Variants in BCAR3 observed in about 807,000 individuals in gnomAD.
The protein encoded by BCAR3 is BCAR3 adaptor protein, NSP family member, also known as breast cancer anti-estrogen resistance protein 3.
Under a neutral mutation model 80.1 loss-of-function variants are expected in BCAR3, and 37 were observed. The observed-to-expected ratio is 0.46, with a 90% confidence interval of 0.36 to 0.61. BCAR3 has a LOEUF of 0.61. BCAR3 is among the 20% of genes least tolerant of loss of function. The pLI is 0.00. For synonymous variants in BCAR3, 389 were observed against 418.9 expected (o/e 0.93, Z 0.87); for missense variants, 978 against 1,068.2 (o/e 0.92, Z 1.18).
At chr1:93,838,363 A>G (rs903425825) in intron 2 of BCAR3, among the ~76,000 whole-genome samples, 3 of 152,198 alleles carry the variant, frequency 2.0e-5, no homozygotes, top group Non-Finnish European at 2.9e-5. Flanking sequence ...CTGGAAACCA[A>G]TCCATATCCA....
chr1:93,748,875 G>A (rs1228598119), intron 2 of BCAR3, among the ~76,000 whole-genome samples: 2 of 152,184 alleles, frequency 1.3e-5, no homozygotes, highest in African/African-American at 2.4e-5. Context: ...AATAGGAACT[G>A]TGTCCTATGC....
chr1:93,701,978 G>A (rs1184211643), intron 3 of BCAR3, among the ~76,000 whole-genome samples: 1 of 152,186 alleles, frequency 6.6e-6, no homozygotes, highest in Non-Finnish European at 1.5e-5. Flanking sequence ...GAAGAACCCA[G>A]GCCATCCAGG....
At chr1:93,693,720 G>C (rs1249857091) in intron 3 of BCAR3, among the ~76,000 whole-genome samples, 1 of 152,158 alleles carries the variant, frequency 6.6e-6, no homozygotes, top group African/African-American at 2.4e-5. Context: ...AGTAAAAATA[G>C]AGGACAGGTA....
At chr1:93,728,623 G>A (rs551773842) in intron 2 of BCAR3, among the ~76,000 whole-genome samples, 3 of 152,232 alleles carry the variant, frequency 2.0e-5, no homozygotes, top group African/African-American at 4.8e-5. Context: ...TTAGCTGCCC[G>A]GGCTCTCCTC....
chr1:93,752,540 C>CA, intron 2 of BCAR3, among the ~76,000 whole-genome samples: 1 of 152,282 alleles, frequency 6.6e-6, no homozygotes, highest in East Asian at 1.9e-4. Context: ...TAGGAAGTAC[C>CA]AAAGGTTTGA....
At chr1:93,698,001 A>C (rs1408266197) in intron 3 of BCAR3, among the ~76,000 whole-genome samples, 1 of 152,144 alleles carries the variant, frequency 6.6e-6, no homozygotes, top group African/African-American at 2.4e-5. Context: ...AAAACAAAAA[A>C]ACAAAACAAA....
At chr1:93,805,290 A>G (rs1236518575) in intron 2 of BCAR3, among the ~76,000 whole-genome samples, 1 of 152,244 alleles carries the variant, frequency 6.6e-6, no homozygotes, top group Non-Finnish European at 1.5e-5. Context: ...GGGTGGAGTG[A>G]GCTGCAGCTA....
intron 2 of BCAR3, among the ~76,000 whole-genome samples, chr1:93,732,141 T>G (rs1390518395): frequency 1.3e-5 from 2 of 152,170 alleles, no homozygotes; most frequent in South Asian, 2.1e-4. Context: ...ACAGAACGGG[T>G]GGCTTCACAG....
intron 3 of BCAR3, chr1:93,614,014 C>G: frequency 6.6e-7 from 1 of 1,522,980 alleles, no homozygotes; most frequent in Non-Finnish European, 8.8e-7. Context: ...CCTAGCCCAC[C>G]ACAGCAGCTG....
At chr1:93,569,437 C>T (rs537249422) in intron 9 of BCAR3, among the ~76,000 whole-genome samples, 1 of 152,364 alleles carries the variant, frequency 6.6e-6, no homozygotes, top group South Asian at 2.1e-4. Flanking sequence ...CTGCTGCCCA[C>T]CATGCTGCCC....
At chr1:93,565,103 T>A (rs1291045525) in intron 11 of BCAR3, among the ~76,000 whole-genome samples, 1 of 151,746 alleles carries the variant, frequency 6.6e-6, no homozygotes, top group Non-Finnish European at 1.5e-5. Context: ...ATGGTGACTT[T>A]TTTTTTTTTT....
chr1:93,752,323 C>T (rs543356930), intron 2 of BCAR3, among the ~76,000 whole-genome samples: 9 of 152,318 alleles, frequency 5.9e-5, no homozygotes, highest in Admixed American at 2.6e-4. Flanking sequence ...GGCCCCAGAG[C>T]TCATGGGTAG....
chr1:93,655,216 T>A (rs1191658748), intron 2 of BCAR3, among the ~76,000 whole-genome samples: 4 of 152,216 alleles, frequency 2.6e-5, no homozygotes, highest in African/African-American at 9.6e-5. Context: ...TGGGATTTAT[T>A]GAAGGATCTT....
intron 3 of BCAR3, among the ~76,000 whole-genome samples, chr1:93,625,036 C>T (rs377542971): frequency 6.6e-6 from 1 of 152,148 alleles, no homozygotes; most frequent in African/African-American, 2.4e-5. Context: ...TGGTGAAACC[C>T]CACCTCTACT....
rs536719438 is a variant in BCAR3, at chr1:93,576,020, A to G, written c.1796T>C (p.Ile599Thr). The change falls in exon 8 of 12, where the codon ATT (isoleucine) becomes ACT (threonine). Residue 599 changes from isoleucine to threonine, a missense_variant. Ile to Thr is a moderately conservative substitution (Grantham distance 89). Coordinates refer to ENST00000260502, the MANE Select transcript of BCAR3 (RefSeq NM_003567.4). Reference sequence around the variant, plus strand: ...AGAGGACGGCACTGCTCACCTTTCAATTATGTCCAGGCGCAGCTGGTGTCC... The same window carrying G: ...AGAGGACGGCACTGCTCACCTTTCAGTTATGTCCAGGCGCAGCTGGTGTCC... ...PHGHQLRLDI[I>T]ERHNTMAIGI... is the part of the protein sequence containing the mutation. 14 of 1,614,046 alleles carry G rather than the reference A, an allele frequency of 8.7e-6. No homozygotes were observed. In the East Asian group the frequency reaches 2.5e-4, roughly 28 times the overall value.
chr1:93,742,434 C>A (rs1188232431), intron 2 of BCAR3, among the ~76,000 whole-genome samples: 1 of 152,182 alleles, frequency 6.6e-6, no homozygotes, highest in Admixed American at 6.5e-5. Flanking sequence ...CTAATAGTTT[C>A]TGATAATCTC....
intron 3 of BCAR3, among the ~76,000 whole-genome samples, chr1:93,624,347 C>G (rs1217259056): frequency 1.3e-5 from 2 of 152,222 alleles, no homozygotes; most frequent in African/African-American, 4.8e-5. Context: ...TGACTTCTTT[C>G]CAGGTCAAAG....
At chr1:93,828,195 G>A (rs963990592) in intron 2 of BCAR3, among the ~76,000 whole-genome samples, 1 of 152,060 alleles carries the variant, frequency 6.6e-6, no homozygotes, top group South Asian at 2.1e-4. Context: ...AATGACTTGC[G>A]AGGCTGAGGC....
At chr1:93,688,174 T>C (rs1313274499) in intron 3 of BCAR3, among the ~76,000 whole-genome samples, 1 of 152,224 alleles carries the variant, frequency 6.6e-6, no homozygotes, top group African/African-American at 2.4e-5. Context: ...GCATACTTAC[T>C]ATCACGTTGG....
Sources: gnomAD v4.1 joint callset for allele counts (sites outside exome capture counted in the v4.1 genomes callset) on GRCh38, gnomAD v4.1.1 for gene constraint, MANE v1.5 for transcripts, NCBI Gene and HGNC (gene_info 2026-07-23, HGNC 2026-07-21) for gene names.